The following GABRA5 variants were observed in gnomAD, a reference collection of about 807,000 sequenced individuals.
GABRA5 encodes gamma-aminobutyric acid type A receptor subunit alpha5, also known as gamma-aminobutyric acid receptor subunit alpha-5.
In GABRA5, 18 loss-of-function variants were observed where a neutral mutation model predicts 47.3. The observed-to-expected ratio is 0.38, with a 90% CI of 0.26 to 0.56. GABRA5 has a LOEUF of 0.56. GABRA5 is among the 20% of genes least tolerant of loss of function. The pLI, the probability that GABRA5 is intolerant of heterozygous loss-of-function variation, is 0.71. For synonymous variants in GABRA5, 237 were observed against 229.3 expected (o/e 1.03, Z -0.30); for missense variants, 365 against 599.3 (o/e 0.61, Z 4.08).
At chr15:26,886,119 G>A (rs373082059) in intron 6 of GABRA5, among the ~76,000 whole-genome samples, 6 of 152,064 alleles carry the variant, frequency 3.9e-5, no homozygotes, top group Non-Finnish European at 8.8e-5. Flanking sequence ...TCCCGGGTTC[G>A]AGCGATTCTC....
intron 7 of GABRA5, among the ~76,000 whole-genome samples, chr15:26,925,415 G>C (rs983757006): frequency 6.6e-6 from 1 of 152,036 alleles, no homozygotes; most frequent in Admixed American, 6.6e-5. Flanking sequence ...CTGTTCTTAA[G>C]CCTAAACAAT....
chr15:26,882,815 C>A (rs1305407338), intron 4 of GABRA5, among the ~76,000 whole-genome samples: 4 of 152,138 alleles, frequency 2.6e-5, no homozygotes, highest in Non-Finnish European at 4.4e-5. Context: ...AGCTGCCAGG[C>A]TGGCATCATT....
At chr15:26,894,178 C>T (rs1313758344) in intron 6 of GABRA5, among the ~76,000 whole-genome samples, 1 of 152,190 alleles carries the variant, frequency 6.6e-6, no homozygotes, top group Non-Finnish European at 1.5e-5. Context: ...GCAGCCCAGC[C>T]CTCACTTGGA....
chr15:26,908,834 G>A (rs1213975905), intron 6 of GABRA5, among the ~76,000 whole-genome samples: 1 of 152,152 alleles, frequency 6.6e-6, no homozygotes, highest in African/African-American at 2.4e-5. Context: ...CATTATCAAA[G>A]TCTGAATTTT....
At chr15:26,889,497 T>C (rs1044384925) in intron 6 of GABRA5, among the ~76,000 whole-genome samples, 1 of 152,158 alleles carries the variant, frequency 6.6e-6, no homozygotes. Flanking sequence ...AAACGGCCAC[T>C]TGAGGGCAGC....
chr15:26,893,527 T>C (rs1440786035), intron 6 of GABRA5, among the ~76,000 whole-genome samples: 1 of 149,708 alleles, frequency 6.7e-6, no homozygotes, highest in African/African-American at 2.5e-5. Context: ...GTGGATCTGA[T>C]GGGAGCAGCG....
intron 6 of GABRA5, among the ~76,000 whole-genome samples, chr15:26,895,881 G>A (rs971716104): frequency 2.7e-5 from 4 of 150,804 alleles, no homozygotes; most frequent in African/African-American, 7.3e-5. Context: ...TTTTTTCACA[G>A]CACCCAGCCC....
At chr15:26,870,961 C>A (rs1195835078) in intron 3 of GABRA5, among the ~76,000 whole-genome samples, 1 of 152,082 alleles carries the variant, frequency 6.6e-6, no homozygotes, top group African/African-American at 2.4e-5. Context: ...GGAGGCCAAG[C>A]GGGGGGCGGA....
intron 1 of GABRA5, among the ~76,000 whole-genome samples, chr15:26,868,528 G>A (rs1335483726): frequency 6.6e-6 from 1 of 152,222 alleles, no homozygotes; most frequent in Admixed American, 6.5e-5. Context: ...TGTCTGCCTG[G>A]ATCTCAAATA....
At chr15:26,924,158 C>CT (rs536989357) in intron 7 of GABRA5, among the ~76,000 whole-genome samples, 1,975 of 123,736 alleles carry the variant, frequency 0.016, 54 homozygotes, top group African/African-American at 0.049. Context: ...TAATACAAGG[C>CT]TTTTTTTTTT....
In GABRA5 at chr15:26,886,781, C is replaced by T. The variant is rs549137886; in HGVS notation, c.497+3224C>T. The stretch of plus-strand genomic sequence containing the variant: ...CAGTGGTAATTAGTGGCTGTTTGTG[C>T]GGAGGAAGAGTCTGCTAATGAGCTG... On this transcript the variant is annotated intron_variant, in intron 6 of 10. Transcript: ENST00000335625. 7.6e-4 allele frequency among the ~76,000 whole-genome samples: 115 copies of T among 152,102 alleles called. 2 individuals carry two copies. In the South Asian group the frequency reaches 0.017, roughly 22 times the overall value.
intron 7 of GABRA5, among the ~76,000 whole-genome samples, chr15:26,927,760 A>G (rs1197884816): frequency 6.6e-6 from 1 of 152,258 alleles, no homozygotes; most frequent in Non-Finnish European, 1.5e-5. Flanking sequence ...GTGATAGTAT[A>G]ATGAGTTTCA....
chr15:26,943,541 C>T, intron 10 of GABRA5, 115 bp downstream of exon 10: 1 of 905,514 alleles, frequency 1.1e-6, no homozygotes, highest in South Asian at 1.6e-5. Context: ...CCCCCGAATG[C>T]TCCTTTCCTC....
chr15:26,920,887 C>T (rs1474908688), intron 7 of GABRA5, among the ~76,000 whole-genome samples: 1 of 152,202 alleles, frequency 6.6e-6, no homozygotes, highest in Non-Finnish European at 1.5e-5. Context: ...GTTCCTCCGA[C>T]AGCCCTCAGA....
chr15:26,894,782 C>A lies in GABRA5; in HGVS notation c.497+11225C>A, dbSNP rs542910211. On this transcript the variant is annotated intron_variant, in intron 6 of 10. Transcript: ENST00000335625. The stretch of plus-strand genomic sequence containing the variant: ...CTCAGTTCTGGGACCTTTCTGAAGT[C>A]CCGCGGATCCATAGGCACAGTCCGG... Among the ~76,000 whole-genome samples the A allele has an allele frequency of 1.1e-4, 16 of 152,224 alleles. No individual in the cohort carries two copies. The South Asian group carries it at 3.3e-3, about 32-fold the overall frequency.
intron 7 of GABRA5, among the ~76,000 whole-genome samples, chr15:26,934,280 A>G (rs1894183419): frequency 6.6e-6 from 1 of 151,798 alleles, no homozygotes; most frequent in African/African-American, 2.4e-5. Context: ...AAGAAAGAAA[A>G]AAAAGGAAAG....
At chr15:26,935,866 C>T (rs1261179293) in intron 7 of GABRA5, among the ~76,000 whole-genome samples, 7 of 152,174 alleles carry the variant, frequency 4.6e-5, no homozygotes, top group Non-Finnish European at 2.9e-5. Context: ...ATGAGGGCAG[C>T]ATTGTTTCCT....
chr15:26,919,769 C>T (rs2140298747), intron 7 of GABRA5, among the ~76,000 whole-genome samples: 1 of 152,222 alleles, frequency 6.6e-6, no homozygotes, highest in East Asian at 1.9e-4. Flanking sequence ...ATTCTTTCAA[C>T]TTGAAAAACT....
intron 6 of GABRA5, among the ~76,000 whole-genome samples, chr15:26,884,087 G>T (rs1015970919): frequency 6.6e-6 from 1 of 152,076 alleles, no homozygotes; most frequent in Non-Finnish European, 1.5e-5. Flanking sequence ...TACTTGGCAG[G>T]CTGAGGTGGT....
Sources: allele counts gnomAD v4.1 joint callset (sites outside exome capture counted in the v4.1 genomes callset), GRCh38; gene constraint gnomAD v4.1.1; transcripts MANE v1.5; gene names NCBI Gene and HGNC (gene_info 2026-07-23, HGNC 2026-07-21).